Variants in DISC1 observed in about 807,000 individuals in gnomAD.
DISC1 encodes DISC1 scaffold protein.
DISC1 carries 57 observed loss-of-function variants against 84.5 expected under a neutral mutation model. The ratio of observed to expected loss-of-function variants is 0.67; its 90% CI spans 0.55 to 0.84. The LOEUF (loss-of-function observed/expected upper bound fraction) is 0.84. Ranked by LOEUF, DISC1 falls within the 40% of genes least tolerant of loss-of-function variation. The pLI is 0.00. For missense variants in DISC1, 1,000 were observed against 1,057.8 expected (o/e 0.95, Z 0.76); for synonymous variants, 411 against 415.2 (o/e 0.99, Z 0.12).
chr1:231,640,590 A>G (rs563774153), intron 1 of DISC1, among the ~76,000 whole-genome samples: 1 of 148,738 alleles, frequency 6.7e-6, no homozygotes, highest in Non-Finnish European at 1.5e-5. Flanking sequence ...GTGCAGTGGC[A>G]TGATCACAGC....
chr1:231,901,405 A>G (rs1401304674), intron 9 of DISC1, among the ~76,000 whole-genome samples: 1 of 152,238 alleles, frequency 6.6e-6, no homozygotes, highest in African/African-American at 2.4e-5. Context: ...CTTAGATGAC[A>G]GCATGGTGCA....
intron 12 of DISC1, among the ~76,000 whole-genome samples, chr1:232,028,036 G>C (rs906644757): frequency 4.6e-5 from 7 of 152,094 alleles, no homozygotes; most frequent in Non-Finnish European, 1.0e-4. Flanking sequence ...CAGATATTCT[G>C]TTCTTCATAA....
At position 231,974,618 on chromosome 1, in the gene DISC1, C is replaced by T. The variant is rs1662525683; in HGVS notation, c.2042+15730C>T. On this transcript the variant is annotated intron_variant, in intron 10 of 12. Transcript: ENST00000439617. Reference sequence around the variant, plus strand: ...CCTAGAAAAACCTGGAGATAATTAGCAGAAGGGCGGAAGCATGAATTTAAA... The same window carrying T: ...CCTAGAAAAACCTGGAGATAATTAGTAGAAGGGCGGAAGCATGAATTTAAA... Among the ~76,000 whole-genome samples, 7 of 152,190 alleles carry T rather than the reference C, an allele frequency of 4.6e-5. 1 individual carries two copies. The highest frequency in any genetic ancestry group is 1.0e-4 in the Non-Finnish European group (7 of 68,050).
At chr1:231,935,331 C>T (rs1244548109) in intron 9 of DISC1, among the ~76,000 whole-genome samples, 1 of 151,930 alleles carries the variant, frequency 6.6e-6, no homozygotes, top group Non-Finnish European at 1.5e-5. Flanking sequence ...GTGTTGGGGG[C>T]GTGGGGCGTG....
chr1:231,979,559 T>C (rs371311080), intron 10 of DISC1, among the ~76,000 whole-genome samples: 17 of 151,344 alleles, frequency 1.1e-4, no homozygotes, highest in Admixed American at 2.0e-4. Context: ...TTTTCTCTTA[T>C]GCTGAAAATT....
At chr1:231,764,511 T>C (rs963335470) in intron 4 of DISC1, among the ~76,000 whole-genome samples, 1 of 152,230 alleles carries the variant, frequency 6.6e-6, no homozygotes, top group Admixed American at 6.5e-5. Flanking sequence ...GTTCATTTCA[T>C]ACTTTTTGCC....
intron 9 of DISC1, among the ~76,000 whole-genome samples, chr1:231,910,065 C>G (rs1219039459): frequency 1.3e-5 from 2 of 152,136 alleles, no homozygotes; most frequent in African/African-American, 4.8e-5. Context: ...ATTCTTCTCT[C>G]TTTTCTTCTT....
intron 3 of DISC1, among the ~76,000 whole-genome samples, chr1:231,733,349 A>T (rs1464350896): frequency 7.4e-6 from 1 of 134,466 alleles, no homozygotes; most frequent in Non-Finnish European, 1.6e-5. Flanking sequence ...TGGTGATTGC[A>T]GTAGGAGTGG....
intron 9 of DISC1, among the ~76,000 whole-genome samples, chr1:231,903,626 C>G (rs1278783270): frequency 6.6e-6 from 1 of 152,128 alleles, no homozygotes; most frequent in African/African-American, 2.4e-5. Context: ...GCAAAAGCAG[C>G]AGACGAACAG....
At chr1:231,627,287 G>C (rs2125055357) in intron 1 of DISC1, among the ~76,000 whole-genome samples, 1 of 152,248 alleles carries the variant, frequency 6.6e-6, no homozygotes, top group African/African-American at 2.4e-5. Flanking sequence ...ATCCGTCCCC[G>C]TCCTGGGACA....
Position 231,770,951 on chromosome 1 carries a change from C to T in DISC1, c.1515C>T (p.Thr505=). The T allele has an allele frequency of 6.2e-7, 1 of 1,614,102 alleles. No homozygotes were observed. Among genetic ancestry groups the T allele is most frequent in the Non-Finnish European group, 8.5e-7 (1 of 1,179,994 alleles). Residue 505 remains threonine, a synonymous_variant, in exon 6 of 13, where the codon ACC becomes ACT. Coordinates refer to ENST00000439617, the MANE Select transcript of DISC1 (RefSeq NM_018662.3). ...TCCAGTGGCAGGGCTGCGACCTGAC[C>T]CCACTGGTGGGCCAGCTGTCCCTGG... ...QQLQWQGCDL[T]PLVGQLSLGQ... is the part of the protein sequence containing the mutation.
At chr1:231,957,094 T>C (rs1415202159) in intron 9 of DISC1, among the ~76,000 whole-genome samples, 1 of 152,232 alleles carries the variant, frequency 6.6e-6, no homozygotes, top group Non-Finnish European at 1.5e-5. Flanking sequence ...GAAATATTGC[T>C]GTGGCCATTT....
intron 1 of DISC1, among the ~76,000 whole-genome samples, chr1:231,676,952 T>G (rs2063212631): frequency 6.6e-6 from 1 of 152,208 alleles, no homozygotes; most frequent in African/African-American, 2.4e-5. Flanking sequence ...GGGGAAAAAC[T>G]GATTTTGAGT....
chr1:231,717,457 C>T lies in DISC1; in HGVS notation c.1117+15433C>T, dbSNP rs992703326. On this transcript the variant is annotated intron_variant, in intron 3 of 12. Coordinates refer to ENST00000439617, the MANE Select transcript of DISC1 (RefSeq NM_018662.3). ...GAGCCTTGCTACAGTTTGAACTGGT[C>T]AGAAAAGCCAAGGCCCGCCTCCCTC... is the stretch of plus-strand genomic sequence containing the variant. 5.3e-5 allele frequency among the ~76,000 whole-genome samples: 8 copies of T among 152,142 alleles called. No homozygotes were observed. The South Asian group carries it at 1.7e-3, about 32-fold the overall frequency.
intron 6 of DISC1, among the ~76,000 whole-genome samples, chr1:231,777,260 C>G (rs1461267417): frequency 6.6e-6 from 1 of 152,026 alleles, no homozygotes; most frequent in Non-Finnish European, 1.5e-5. Flanking sequence ...TTCCCTCTGT[C>G]CCACAGGCTG....
chr1:231,854,056 G>A (rs1168450162), intron 9 of DISC1, among the ~76,000 whole-genome samples: 1 of 152,198 alleles, frequency 6.6e-6, no homozygotes, highest in Non-Finnish European at 1.5e-5. Context: ...GTCTAGGGCG[G>A]CCCAAGGGGA....
chr1:231,778,014 A>G (rs1203397907), intron 6 of DISC1, among the ~76,000 whole-genome samples: 5 of 152,176 alleles, frequency 3.3e-5, no homozygotes. Context: ...TAGTCCAGCA[A>G]TGGAAAGAAG....
At chr1:231,999,918 A>G (rs1010099425) in intron 10 of DISC1, among the ~76,000 whole-genome samples, 2 of 152,376 alleles carry the variant, frequency 1.3e-5, no homozygotes, top group East Asian at 3.9e-4. Context: ...GGCTTCAAAA[A>G]TAAAAATTCC....
intron 9 of DISC1, among the ~76,000 whole-genome samples, chr1:231,948,756 AG>A (rs1657741035): frequency 1.3e-5 from 2 of 151,410 alleles, no homozygotes; most frequent in South Asian, 4.2e-4. Flanking sequence ...TCTGGAAGTG[AG>A]GGTTCTCTAT....
Sources: gnomAD v4.1 joint callset for allele counts (sites outside exome capture counted in the v4.1 genomes callset) on GRCh38, gnomAD v4.1.1 for gene constraint, MANE v1.5 for transcripts, NCBI Gene and HGNC (gene_info 2026-07-23, HGNC 2026-07-21) for gene names.